The following NRXN1 variants were observed in gnomAD, a reference collection of about 807,000 sequenced individuals.
The protein encoded by NRXN1 is neurexin 1, also known as neurexin-1.
A neutral mutation model predicts 150.9 loss-of-function variants in NRXN1; 39 were observed. That is an observed-to-expected ratio of 0.26 (90% CI 0.20 to 0.34). The LOEUF (loss-of-function observed/expected upper bound fraction) is 0.34. Ranked by LOEUF, NRXN1 falls within the 10% of genes least tolerant of loss-of-function variation. The pLI is 1.00. For missense variants in NRXN1, 1,815 were observed against 1,949.9 expected (o/e 0.93, Z 1.30); for synonymous variants, 924 against 757.0 (o/e 1.22, Z -3.62).
At chr2:50,338,417 G>A (rs141747179) in intron 17 of NRXN1, among the ~76,000 whole-genome samples, 1,624 of 152,068 alleles carry the variant, frequency 0.011, 26 homozygotes, top group African/African-American at 0.037. Context: ...CTATCAAATG[G>A]TGCCCTGAAA....
chr2:50,443,804 GTAAAA>G (rs2086172258), intron 17 of NRXN1, among the ~76,000 whole-genome samples: 2 of 152,116 alleles, frequency 1.3e-5, no homozygotes, highest in African/African-American at 4.8e-5. Context: ...GACTAAACAT[GTAAAA>G]CCTTCCAGAC....
chr2:50,158,221 A>G (rs2059145742), intron 18 of NRXN1, among the ~76,000 whole-genome samples: 1 of 151,514 alleles, frequency 6.6e-6, no homozygotes, highest in South Asian at 2.1e-4. Flanking sequence ...TCATTGATAG[A>G]TTTGTCTTTC....
chr2:50,896,091 A>G (rs764983368), intron 5 of NRXN1, among the ~76,000 whole-genome samples: 2 of 152,200 alleles, frequency 1.3e-5, no homozygotes, highest in Non-Finnish European at 2.9e-5. Context: ...ACACAGGCAC[A>G]AGATAGTAGA....
At chr2:50,205,307 G>A (rs1175706399) in intron 18 of NRXN1, among the ~76,000 whole-genome samples, 1 of 152,050 alleles carries the variant, frequency 6.6e-6, no homozygotes, top group African/African-American at 2.4e-5. Context: ...TGCTATAAAA[G>A]TAGAAACTGA....
In NRXN1 at chr2:49,919,307, A is replaced by G. The variant is rs1182914637; in HGVS notation, c.*2637T>C. 1 of 152,092 alleles carries G rather than the reference A, an allele frequency of 6.6e-6. No homozygotes were observed. The highest frequency in any genetic ancestry group is 1.5e-5 in the Non-Finnish European group (1 of 67,966). The allele number at this position is 152,092 out of a possible 1,614,324, so 9.4% of individuals were successfully genotyped here. The stretch of plus-strand genomic sequence containing the variant: ...TCTCTTTTCTTTTTCCATTGAGGAA[A>G]AAATAATTTTTGCTAGAGTTTGTGT... On this transcript the variant is annotated 3_prime_UTR_variant, in exon 23 of 23. Coordinates refer to ENST00000401669, the MANE Select transcript of NRXN1 (RefSeq NM_001330078.2).
At chr2:50,454,236 G>A (rs1217898183) in intron 17 of NRXN1, among the ~76,000 whole-genome samples, 1 of 152,176 alleles carries the variant, frequency 6.6e-6, no homozygotes, top group East Asian at 1.9e-4. Context: ...TGAGGCACGA[G>A]AATCGCTTGA....
At chr2:50,566,832 T>A (rs748540004) in intron 8 of NRXN1, among the ~76,000 whole-genome samples, 17 of 152,168 alleles carry the variant, frequency 1.1e-4, no homozygotes, top group Non-Finnish European at 2.2e-4. Context: ...GGATAGTAGC[T>A]GAGTTCCTAT....
At chr2:49,964,933 G>A (rs1319083509) in intron 21 of NRXN1, among the ~76,000 whole-genome samples, 1 of 152,020 alleles carries the variant, frequency 6.6e-6, no homozygotes, top group Non-Finnish European at 1.5e-5. Context: ...GTCACCCAGG[G>A]TGGAGTGCAG....
intron 5 of NRXN1, among the ~76,000 whole-genome samples, chr2:50,759,780 C>G (rs1701580814): frequency 1.3e-5 from 2 of 151,216 alleles, no homozygotes; most frequent in South Asian, 4.2e-4. Context: ...GTCAATTAAT[C>G]TGCAAACTTT....
At position 51,011,115 on chromosome 2, in the gene NRXN1, T is replaced by C. The variant is rs111906014; in HGVS notation, c.772+16387A>G. Among the ~76,000 whole-genome samples, 270 of 152,068 alleles carry C rather than the reference T, an allele frequency of 1.8e-3. 3 individuals are homozygous for C. Among genetic ancestry groups the C allele is most frequent in the African/African-American group, 6.3e-3 (262 of 41,526 alleles). Reference sequence around the variant, plus strand: ...TATTTTCAACAAGCTAAACAATAAATCATATACTTCATTTTAATTCACGTC... The same window carrying C: ...TATTTTCAACAAGCTAAACAATAAACCATATACTTCATTTTAATTCACGTC... On this transcript the variant is annotated intron_variant, in intron 2 of 22. Transcript: ENST00000401669.
chr2:50,561,525 G>A (rs1190965800), intron 8 of NRXN1, among the ~76,000 whole-genome samples: 4 of 152,060 alleles, frequency 2.6e-5, no homozygotes, highest in African/African-American at 4.8e-5. Context: ...AATGTATTGG[G>A]GACTTCAGTG....
chr2:50,885,704 T>C (rs1680127247), intron 5 of NRXN1, among the ~76,000 whole-genome samples: 1 of 151,312 alleles, frequency 6.6e-6, no homozygotes, highest in Non-Finnish European at 1.5e-5. Flanking sequence ...AAAGATAATT[T>C]ATTCCACTTA....
chr2:50,571,669 C>A (rs1670681667), intron 8 of NRXN1, among the ~76,000 whole-genome samples: 1 of 151,566 alleles, frequency 6.6e-6, no homozygotes, highest in Admixed American at 6.6e-5. Flanking sequence ...TATTTAAAAA[C>A]TGTCAATGTT....
intron 18 of NRXN1, among the ~76,000 whole-genome samples, chr2:50,162,425 T>C (rs2152788323): frequency 6.6e-6 from 1 of 152,238 alleles, no homozygotes; most frequent in East Asian, 1.9e-4. Flanking sequence ...AACAGAGTAA[T>C]TGCTTCTATT....
chr2:50,767,863 T>C (rs1702553297), intron 5 of NRXN1, among the ~76,000 whole-genome samples: 1 of 152,100 alleles, frequency 6.6e-6, no homozygotes, highest in Admixed American at 6.6e-5. Context: ...ATTAAGGGCA[T>C]TAAACATGTA....
chr2:50,748,698 AT>A (rs1046767343), intron 5 of NRXN1, among the ~76,000 whole-genome samples: 25 of 152,170 alleles, frequency 1.6e-4, no homozygotes, highest in African/African-American at 6.0e-4. Flanking sequence ...TATCTCACTA[AT>A]GTGCCTAATT....
chr2:50,762,873 T>G (rs1701967960), intron 5 of NRXN1, among the ~76,000 whole-genome samples: 1 of 151,972 alleles, frequency 6.6e-6, no homozygotes, highest in Non-Finnish European at 1.5e-5. Context: ...AGCCCAGTTT[T>G]CTAAGTGTCA....
chr2:50,285,260 A>C (rs560861882), intron 17 of NRXN1, among the ~76,000 whole-genome samples: 148 of 152,306 alleles, frequency 9.7e-4, no homozygotes, highest in African/African-American at 3.4e-3. Flanking sequence ...TTTTTATTTT[A>C]CAATAATTTG....
At chr2:50,839,764 TACAG>T (rs1272489378) in intron 5 of NRXN1, among the ~76,000 whole-genome samples, 3 of 152,110 alleles carry the variant, frequency 2.0e-5, no homozygotes, top group Non-Finnish European at 4.4e-5. Context: ...TTCTAGTGAG[TACAG>T]ACAGAGAAGA....
Sources: allele counts gnomAD v4.1 joint callset (sites outside exome capture counted in the v4.1 genomes callset), GRCh38; gene constraint gnomAD v4.1.1; transcripts MANE v1.5; gene names NCBI Gene and HGNC (gene_info 2026-07-23, HGNC 2026-07-21).